The following MAGI2 variants were observed in gnomAD, a reference collection of about 807,000 sequenced individuals.
MAGI2 encodes the protein membrane associated guanylate kinase, WW and PDZ domain containing 2, also known as membrane-associated guanylate kinase, WW and PDZ domain-containing protein 2.
A neutral mutation model predicts 133.3 loss-of-function variants in MAGI2; 35 were observed. The observed-to-expected ratio is 0.26, with a 90% CI of 0.20 to 0.35. MAGI2 has a LOEUF of 0.35. Among genes scored for constraint, MAGI2 ranks in the 10% least tolerant of loss-of-function variants. MAGI2 has a pLI of 1.00. For missense variants in MAGI2, 1,636 were observed against 1,863.4 expected, an observed-to-expected ratio of 0.88 and a Z score of 2.25; for synonymous variants, 729 against 710.6, an observed-to-expected ratio of 1.03 and a Z score of -0.41.
At chr7:78,630,407 GTTTAACTTT>G (rs1295755919) in intron 2 of MAGI2, among the ~76,000 whole-genome samples, 8 of 109,346 alleles carry the variant, frequency 7.3e-5, no homozygotes, top group African/African-American at 2.7e-4. Flanking sequence ...GACTTTTTGT[GTTTAACTTT>G]TTTTTTTTTT....
intron 6 of MAGI2, among the ~76,000 whole-genome samples, chr7:78,470,097 T>C (rs1250598443): frequency 6.6e-6 from 1 of 152,162 alleles, no homozygotes; most frequent in African/African-American, 2.4e-5. Flanking sequence ...TCTTTCTCAC[T>C]GTCAAGTTGA....
chr7:79,174,365 T>C (rs565268027), intron 1 of MAGI2, among the ~76,000 whole-genome samples: 3 of 152,182 alleles, frequency 2.0e-5, no homozygotes, highest in Admixed American at 6.6e-5. Context: ...GAAAATACTT[T>C]AGAAGCATAA....
chr7:79,046,551 A>T (rs2116952308), intron 1 of MAGI2, among the ~76,000 whole-genome samples: 1 of 152,312 alleles, frequency 6.6e-6, no homozygotes, highest in African/African-American at 2.4e-5. Context: ...AACCTAAGAA[A>T]GTCTGAAAAT....
At chr7:79,223,634 C>T (rs1429303227) in intron 1 of MAGI2, among the ~76,000 whole-genome samples, 1 of 151,836 alleles carries the variant, frequency 6.6e-6, no homozygotes, top group African/African-American at 2.4e-5. Flanking sequence ...TTGCAAGCAG[C>T]CTGAGCAACA....
At chr7:78,192,903 T>C (rs1471571410) in intron 12 of MAGI2, among the ~76,000 whole-genome samples, 3 of 150,910 alleles carry the variant, frequency 2.0e-5, no homozygotes, top group Non-Finnish European at 3.0e-5. Context: ...TGGGGTGAGG[T>C]GGGGAGTCAG....
At chr7:79,449,930 C>T (rs1242688207) in intron 1 of MAGI2, among the ~76,000 whole-genome samples, 1 of 130,182 alleles carries the variant, frequency 7.7e-6, no homozygotes, top group Non-Finnish European at 1.7e-5. Flanking sequence ...TTAAAAGGAG[C>T]TCACCTCCTT....
chr7:79,328,284 TCTTA>T (rs1301414033), intron 1 of MAGI2, among the ~76,000 whole-genome samples: 3 of 152,190 alleles, frequency 2.0e-5, no homozygotes, highest in Admixed American at 2.0e-4. Flanking sequence ...AATACCTATG[TCTTA>T]CTTATCTTTC....
At chr7:78,360,445 A>G (rs1792656803) in intron 7 of MAGI2, among the ~76,000 whole-genome samples, 2 of 152,216 alleles carry the variant, frequency 1.3e-5, no homozygotes. Flanking sequence ...TCTCAGTCTA[A>G]GATATGATTC....
intron 9 of MAGI2, among the ~76,000 whole-genome samples, chr7:78,286,102 T>C (rs1441617386): frequency 6.6e-6 from 1 of 152,204 alleles, no homozygotes; most frequent in Non-Finnish European, 1.5e-5. Flanking sequence ...ATCCATTGTG[T>C]GTGTGTGCAC....
intron 1 of MAGI2, among the ~76,000 whole-genome samples, chr7:79,367,658 A>G (rs1266402552): frequency 6.6e-6 from 1 of 151,926 alleles, no homozygotes; most frequent in Non-Finnish European, 1.5e-5. Flanking sequence ...TTTTTAGCAC[A>G]GTACCTGGCA....
intron 2 of MAGI2, among the ~76,000 whole-genome samples, chr7:78,678,268 T>C (rs1815267241): frequency 6.6e-6 from 1 of 152,170 alleles, no homozygotes. Context: ...AGAAATATTC[T>C]CTATTTTCCA....
chr7:79,249,883 G>A (rs1385820514), intron 1 of MAGI2, among the ~76,000 whole-genome samples: 1 of 151,978 alleles, frequency 6.6e-6, no homozygotes. Context: ...GATATATATT[G>A]ATACAAAAAT....
intron 2 of MAGI2, among the ~76,000 whole-genome samples, chr7:78,885,218 TG>T (rs1457840865): frequency 6.6e-6 from 1 of 152,136 alleles, no homozygotes; most frequent in Admixed American, 6.6e-5. Context: ...GCTCACTACC[TG>T]GGGGTTAAAA....
At chr7:78,571,491 T>C (rs1396023709) in intron 3 of MAGI2, among the ~76,000 whole-genome samples, 1 of 152,184 alleles carries the variant, frequency 6.6e-6, no homozygotes, top group East Asian at 1.9e-4. Context: ...TTTCAATGGG[T>C]TGTAGGCTAC....
rs75782201 is a variant in MAGI2 at position 78,999,110 on chromosome 7, T to A, written c.418+7980A>T. 9.1e-3 allele frequency among the ~76,000 whole-genome samples: 1,383 copies of A among 152,020 alleles called. 27 individuals are homozygous for A. Among genetic ancestry groups the A allele is most frequent in the African/African-American group, 0.032 (1,309 of 41,434 alleles). ...GTGTATATTTCACCTGCGTTTATGATCAATAGCCCACAAACCAATTTCCTA... is the reference window on the plus strand; with the variant it reads ...GTGTATATTTCACCTGCGTTTATGAACAATAGCCCACAAACCAATTTCCTA... On this transcript the variant is annotated intron_variant, in intron 2 of 21. Coordinates refer to ENST00000354212, the MANE Select transcript of MAGI2 (RefSeq NM_012301.4).
At chr7:79,235,328 C>G (rs1054660124) in intron 1 of MAGI2, among the ~76,000 whole-genome samples, 11 of 151,870 alleles carry the variant, frequency 7.2e-5, no homozygotes, top group East Asian at 5.8e-4. Flanking sequence ...CCACCCAGTT[C>G]GAGCTTCCCG....
At chr7:78,583,985 T>C (rs1216805077) in intron 3 of MAGI2, among the ~76,000 whole-genome samples, 4 of 152,210 alleles carry the variant, frequency 2.6e-5, no homozygotes, top group Non-Finnish European at 5.9e-5. Context: ...CACAAGTGCT[T>C]CTAAATAGCA....
rs532493674 is a variant in MAGI2, at chr7:79,122,441, A to G, written c.302-115235T>C. ...TTAAGGCACATAGATGTATAGGGTT[A>G]TAGTGATCCACAGACCCAGAAATGT... On this transcript the variant is annotated intron_variant, in intron 1 of 21. Transcript: ENST00000354212. 4.6e-5 allele frequency among the ~76,000 whole-genome samples: 7 copies of G among 152,330 alleles called. No individual in the cohort carries two copies. The East Asian group carries it at 7.7e-4, about 17-fold the overall frequency.
rs1428480051 is a variant in MAGI2, at chr7:78,124,886, A to C, written c.3567+808T>G. On this transcript the variant is annotated intron_variant, in intron 20 of 21. Coordinates refer to ENST00000354212, the MANE Select transcript of MAGI2 (RefSeq NM_012301.4). ...CTTTTTTTTTTTTTTTTCTTGAGAC[A>C]GATTCTCACTCTGTTGCCCAGGCTG... 6.1e-5 allele frequency among the ~76,000 whole-genome samples: 9 copies of C among 146,502 alleles called. 1 individual carries two copies. The Admixed American group carries it at 6.2e-4, about 10-fold the overall frequency.
Sources: gnomAD v4.1 joint callset for allele counts (sites outside exome capture counted in the v4.1 genomes callset) on GRCh38, gnomAD v4.1.1 for gene constraint, MANE v1.5 for transcripts, NCBI Gene and HGNC (gene_info 2026-07-23, HGNC 2026-07-21) for gene names.